Variants in KPNA3 observed in about 807,000 individuals in gnomAD.
KPNA3 encodes karyopherin subunit alpha 3, also known as importin subunit alpha-4.
In KPNA3, 13 loss-of-function variants were observed where a neutral mutation model predicts 73.8. That is an observed-to-expected ratio of 0.18 (90% CI 0.11 to 0.28). KPNA3 has a LOEUF of 0.28. Ranked by LOEUF, KPNA3 falls within the 10% of genes least tolerant of loss-of-function variation. KPNA3 has a pLI of 1.00. For missense variants in KPNA3, 360 were observed against 618.1 expected, an observed-to-expected ratio of 0.58 and a Z score of 4.43; for synonymous variants, 186 against 206.9, an observed-to-expected ratio of 0.90 and a Z score of 0.87.
intron 2 of KPNA3, among the ~76,000 whole-genome samples, chr13:49,739,052 T>C (rs1954549918): frequency 6.6e-6 from 1 of 152,336 alleles, no homozygotes; most frequent in Non-Finnish European, 1.5e-5. Context: ...ATCATATTTT[T>C]CTTTTTTGGC....
chr13:49,711,111 G>C, intron 10 of KPNA3, 89 bp from the exon 11 acceptor site: 1 of 1,291,194 alleles, frequency 7.7e-7, no homozygotes, highest in South Asian at 1.6e-5. Flanking sequence ...GACAGAAAAA[G>C]TAACCAAATT....
chr13:49,775,141 C>T (rs950109786), intron 1 of KPNA3, among the ~76,000 whole-genome samples: 2 of 116,400 alleles, frequency 1.7e-5, no homozygotes, highest in African/African-American at 3.6e-5. Flanking sequence ...TGCACTCAGA[C>T]GACAGAGTGA....
At chr13:49,766,951 T>A (rs1329222039) in intron 1 of KPNA3, among the ~76,000 whole-genome samples, 1 of 138,470 alleles carries the variant, frequency 7.2e-6, no homozygotes, top group African/African-American at 2.6e-5. Context: ...TGAAATGGGA[T>A]TCCTTTTTTT....
chr13:49,785,556 G>A (rs940902267), intron 1 of KPNA3, among the ~76,000 whole-genome samples: 2 of 152,126 alleles, frequency 1.3e-5, no homozygotes, highest in Non-Finnish European at 2.9e-5. Flanking sequence ...TTAAGTCCCC[G>A]CACATTGAAA....
rs537639991 is a variant in KPNA3 at position 49,746,795 on chromosome 13, G to A, written c.114+154C>T. Among the ~76,000 whole-genome samples the A allele has an allele frequency of 9.2e-5, 14 of 152,270 alleles. No individual in the cohort carries two copies. In the East Asian group the frequency reaches 2.5e-3, roughly 27 times the overall value. On this transcript the variant is annotated intron_variant, in intron 2 of 16. Transcript: ENST00000261667. ...GGCCTAGTACCCTCAGTAAATGAAA[G>A]CTATTATGAATAAGTACCATGATAA...
chr13:49,747,867 G>C (rs1215740598), intron 1 of KPNA3, among the ~76,000 whole-genome samples: 1 of 152,136 alleles, frequency 6.6e-6, no homozygotes, highest in African/African-American at 2.4e-5. Flanking sequence ...ACTGTACCCA[G>C]TCATCTTTGG....
intron 1 of KPNA3, among the ~76,000 whole-genome samples, chr13:49,788,790 A>G (rs1955007360): frequency 6.7e-6 from 1 of 149,172 alleles, no homozygotes; most frequent in Admixed American, 6.7e-5. Context: ...TTCCCTTTCA[A>G]TATGTACTTC....
At position 49,706,281 on chromosome 13, in the gene KPNA3, T is replaced by C; in HGVS notation, c.1124A>G (p.His375Arg). The C allele has an allele frequency of 6.2e-7, 1 of 1,613,888 alleles. No homozygotes were observed. The highest frequency in any genetic ancestry group is 8.5e-7 in the Non-Finnish European group (1 of 1,179,860). ...AATATGACCAACCTTAGCAAGCTGA[T>C]GAATTATCATAGGAATTAATCCAGC... The part of the protein sequence containing the change: ...IDAGLIPMII[H>R]QLAKGDFGTQ... Residue 375 changes from histidine to arginine, a missense_variant, in exon 13 of 17, where the codon CAT becomes CGT. Around this residue, in one of 3 missense-constraint regions of KPNA3, gnomAD observed 287 missense variants for 549.1 expected, o/e 0.52. Coordinates refer to ENST00000261667, the MANE Select transcript of KPNA3 (RefSeq NM_002267.4).
intron 1 of KPNA3, among the ~76,000 whole-genome samples, chr13:49,786,695 C>T (rs1181044532): frequency 6.6e-6 from 1 of 152,042 alleles, no homozygotes; most frequent in Non-Finnish European, 1.5e-5. Context: ...CAAGCATCTC[C>T]AGTACTTTAT....
chr13:49,723,136 AAATT>A (rs1954375992), intron 7 of KPNA3, among the ~76,000 whole-genome samples: 1 of 151,994 alleles, frequency 6.6e-6, no homozygotes, highest in Admixed American at 6.6e-5. Flanking sequence ...CTTAAAATTT[AAATT>A]AATTCAGTTT....
chr13:49,761,144 G>GA (rs1465700446), intron 1 of KPNA3, among the ~76,000 whole-genome samples: 1 of 152,232 alleles, frequency 6.6e-6, no homozygotes, highest in East Asian at 1.9e-4. Flanking sequence ...GCTATTAACA[G>GA]AAAAAAATAT....
chr13:49,757,339 C>CA (rs1454870368), intron 1 of KPNA3, among the ~76,000 whole-genome samples: 4 of 151,710 alleles, frequency 2.6e-5, no homozygotes, highest in African/African-American at 9.7e-5. Flanking sequence ...AAAAACCTCT[C>CA]AAAGCTCAAC....
rs373600683 is a variant in KPNA3, at chr13:49,726,640, T to G, written c.384-1139A>C. Among the ~76,000 whole-genome samples the G allele has an allele frequency of 2.6e-5, 4 of 152,184 alleles. No individual in the cohort carries two copies. In the East Asian group the frequency reaches 7.7e-4, roughly 29 times the overall value. ...AGAATGGCTAAAAAAGGTTAAAGGC[T>G]GATATAGGAGAGACCTATTAAAAGA... On this transcript the variant is annotated intron_variant, in intron 6 of 16. Coordinates refer to ENST00000261667, the MANE Select transcript of KPNA3 (RefSeq NM_002267.4).
intron 1 of KPNA3, among the ~76,000 whole-genome samples, chr13:49,787,470 C>T (rs972650792): frequency 2.0e-5 from 3 of 152,130 alleles, no homozygotes; most frequent in Non-Finnish European, 4.4e-5. Flanking sequence ...CGGTGGAGTA[C>T]AGCACAGTAA....
chr13:49,704,435 AAATAAATAAATAAAT>A (rs1345565170), intron 15 of KPNA3, among the ~76,000 whole-genome samples: 1 of 1,048 alleles, frequency 9.5e-4, no homozygotes, highest in Non-Finnish European at 1.5e-3. Context: ...AATAAATAAA[AAATAAATAAATAAAT>A]AAATAAATAA....
intron 1 of KPNA3, among the ~76,000 whole-genome samples, chr13:49,779,004 G>A (rs910083591): frequency 9.9e-5 from 15 of 152,096 alleles, no homozygotes. Flanking sequence ...AACTAGATGA[G>A]TGGACAACAT....
At chr13:49,738,413 A>G (rs1954544011) in intron 2 of KPNA3, among the ~76,000 whole-genome samples, 1 of 152,222 alleles carries the variant, frequency 6.6e-6, no homozygotes, top group Admixed American at 6.5e-5. Context: ...TTTCAATAGG[A>G]AATGCATTAA....
At chr13:49,708,662 G>A (rs1954230854) in intron 12 of KPNA3, among the ~76,000 whole-genome samples, 1 of 152,050 alleles carries the variant, frequency 6.6e-6, no homozygotes, top group Admixed American at 6.5e-5. Flanking sequence ...AACAAAATGT[G>A]GTGTATACAT....
intron 15 of KPNA3, among the ~76,000 whole-genome samples, chr13:49,704,445 ATAAAT>A (rs1403489621): frequency 3.6e-4 from 16 of 44,724 alleles, no homozygotes; most frequent in East Asian, 2.3e-3. Context: ...AAATAAATAA[ATAAAT>A]AAATAAATAA....
Sources: allele counts gnomAD v4.1 joint callset (sites outside exome capture counted in the v4.1 genomes callset), GRCh38; gene constraint gnomAD v4.1.1; regional missense constraint gnomAD v4.1.1; transcripts MANE v1.5; gene names NCBI Gene and HGNC (gene_info 2026-07-23, HGNC 2026-07-21).